Variants in ZBTB2 observed in about 807,000 individuals in gnomAD.
ZBTB2 encodes the protein zinc finger and BTB domain-containing protein 2.
Under a neutral mutation model 39.5 loss-of-function variants are expected in ZBTB2, and 2 were observed. The ratio of observed to expected loss-of-function variants is 0.05; its 90% CI spans 0.02 to 0.16. The LOEUF (loss-of-function observed/expected upper bound fraction) is 0.16. ZBTB2 is among the 10% of genes least tolerant of loss of function. The probability of loss-of-function intolerance (pLI) is 1.00; values close to 1 mark genes in which losing one functional copy is unlikely to be tolerated. For missense variants in ZBTB2, 391 were observed against 653.0 expected (o/e 0.60, Z 4.37); for synonymous variants, 251 against 256.6 (o/e 0.98, Z 0.21).
chr6:151,375,510 T>C (rs1042598416), intron 1 of ZBTB2, among the ~76,000 whole-genome samples: 3 of 152,138 alleles, frequency 2.0e-5, no homozygotes, highest in Non-Finnish European at 4.4e-5. Flanking sequence ...ATAGACAAAA[T>C]TATTCTAAAA....
intron 1 of ZBTB2, among the ~76,000 whole-genome samples, chr6:151,377,409 C>G (rs976421080): frequency 6.7e-6 from 1 of 150,252 alleles, no homozygotes; most frequent in Admixed American, 6.6e-5. Context: ...GCTCTTGTTG[C>G]CCAGGCTGGA....
intron 1 of ZBTB2, among the ~76,000 whole-genome samples, chr6:151,390,278 C>A (rs1331422760): frequency 1.3e-5 from 2 of 149,260 alleles, no homozygotes; most frequent in African/African-American, 4.9e-5. Context: ...CTCGTCCCAC[C>A]CGCCCCGGGG....
intron 2 of ZBTB2, among the ~76,000 whole-genome samples, chr6:151,372,052 A>G (rs879767862): frequency 6.6e-6 from 1 of 152,218 alleles, no homozygotes; most frequent in Admixed American, 6.5e-5. Flanking sequence ...AGTCAAGGCC[A>G]GAGTTATAAA....
intron 1 of ZBTB2, among the ~76,000 whole-genome samples, chr6:151,390,570 G>C (rs1050239819): frequency 1.3e-5 from 2 of 150,536 alleles, no homozygotes; most frequent in South Asian, 4.2e-4. Flanking sequence ...GGGAGAGAGG[G>C]AGAGGGATGA....
In ZBTB2 at chr6:151,389,802, C is replaced by T. The variant is rs371586736; in HGVS notation, c.-13+1618G>A. On this transcript the variant is annotated intron_variant, in intron 1 of 2. Transcript: ENST00000325144. The stretch of plus-strand genomic sequence containing the variant: ...CCTGCAGTAAAAGGCGTAGCTGCAG[C>T]TTCTCCCGGCCCAGGCACTCGCCTG... 1.6e-4 allele frequency among the ~76,000 whole-genome samples: 25 copies of T among 152,278 alleles called. No homozygotes were observed. In the East Asian group the frequency reaches 4.6e-3, roughly 28 times the overall value.
At position 151,390,890 on chromosome 6, in the gene ZBTB2, C is replaced by T. The variant is rs574798250; in HGVS notation, c.-13+530G>A. 5.9e-4 allele frequency among the ~76,000 whole-genome samples: 89 copies of T among 151,930 alleles called. 2 individuals carry two copies. The South Asian group carries it at 0.018, about 30-fold the overall frequency. ...GGAAGGATTACGCACCTGACGGGCC[C>T]GCCTCTGAGGGCTCCAGCGCGGGAC... On this transcript the variant is annotated intron_variant, in intron 1 of 2. Coordinates refer to ENST00000325144, the MANE Select transcript of ZBTB2 (RefSeq NM_020861.3).
At chr6:151,372,524 AAGAAC>A (rs1778808142) in intron 2 of ZBTB2, among the ~76,000 whole-genome samples, 1 of 152,180 alleles carries the variant, frequency 6.6e-6, no homozygotes, top group African/African-American at 2.4e-5. Flanking sequence ...AACAGATAAA[AAGAAC>A]AGAATAAAAA....
intron 1 of ZBTB2, among the ~76,000 whole-genome samples, chr6:151,390,829 A>AGCG (rs1779280938): frequency 7.3e-6 from 1 of 137,854 alleles, no homozygotes; most frequent in Non-Finnish European, 1.6e-5. Flanking sequence ...CCGAAGCAGC[A>AGCG]GCGGCGGCAG....
chr6:151,369,770 C>G (rs1582914747), intron 2 of ZBTB2, among the ~76,000 whole-genome samples: 1 of 152,056 alleles, frequency 6.6e-6, no homozygotes, highest in East Asian at 1.9e-4. Context: ...GTCAGGTGTT[C>G]AAGACCAGCC....
chr6:151,390,524 A>C (rs1582927712), intron 1 of ZBTB2, among the ~76,000 whole-genome samples: 2 of 148,686 alleles, frequency 1.3e-5, no homozygotes, highest in African/African-American at 2.5e-5. Context: ...GGCCGGCGCA[A>C]CAGCCCCGGC....
chr6:151,383,184 T>G (rs556810844), intron 1 of ZBTB2, among the ~76,000 whole-genome samples: 52 of 152,204 alleles, frequency 3.4e-4, no homozygotes, highest in African/African-American at 1.2e-3. Context: ...CCTCCCAAAG[T>G]GCTGGGATTA....
intron 1 of ZBTB2, among the ~76,000 whole-genome samples, chr6:151,389,342 T>C (rs1458051933): frequency 1.3e-5 from 2 of 152,180 alleles, no homozygotes; most frequent in Non-Finnish European, 2.9e-5. Context: ...TCATTCAAAA[T>C]GCAGTGGAAT....
At position 151,375,793 on chromosome 6, in the gene ZBTB2, T is replaced by G. The variant is rs532154078; in HGVS notation, c.-12-2144A>C. Among the ~76,000 whole-genome samples the G allele has an allele frequency of 7.2e-4, 110 of 152,230 alleles. 1 individual carries two copies. In the Middle Eastern group the frequency reaches 0.014, roughly 19 times the overall value. On this transcript the variant is annotated intron_variant, in intron 1 of 2. Coordinates refer to ENST00000325144, the MANE Select transcript of ZBTB2 (RefSeq NM_020861.3). ...CATGTTGGCTATGCTGGCCTCGAAC[T>G]CCTGACCTCAGATGATCCACCCGCC... is the stretch of plus-strand genomic sequence containing the variant.
chr6:151,387,863 A>C (rs1294546017), intron 1 of ZBTB2, among the ~76,000 whole-genome samples: 1 of 151,798 alleles, frequency 6.6e-6, no homozygotes, highest in East Asian at 1.9e-4. Context: ...TGGGCTGCCA[A>C]CTCCTTGTAA....
chr6:151,368,232 C>T (rs991835147), intron 2 of ZBTB2, among the ~76,000 whole-genome samples: 2 of 152,010 alleles, frequency 1.3e-5, no homozygotes, highest in African/African-American at 4.8e-5. Context: ...CTGCAAGCTC[C>T]GCCTCCCGGG....
At position 151,364,540 on chromosome 6, in the gene ZBTB2, T is replaced by C. The variant is rs1423889362; in HGVS notation, c.*981A>G. On this transcript the variant is annotated 3_prime_UTR_variant, in exon 3 of 3. Transcript: ENST00000325144. ...GCCAGTAAACTATCAGCATTGACTTTCAGTCATTGAAGTTACTACATCTTC... is the reference window on the plus strand; with the variant it reads ...GCCAGTAAACTATCAGCATTGACTTCCAGTCATTGAAGTTACTACATCTTC... 1 of 152,266 alleles carries C rather than the reference T, an allele frequency of 6.6e-6. No individual in the cohort carries two copies. The highest frequency in any genetic ancestry group is 1.9e-4 in the East Asian group (1 of 5,206). 9.4% of individuals were successfully genotyped at this position (152,266 alleles called of 1,614,324 possible). A position where few individuals can be genotyped will look rare whatever the true frequency, so the allele number is the denominator to read the frequency against.
chr6:151,390,820 C>T (rs1309719249), intron 1 of ZBTB2, among the ~76,000 whole-genome samples: 7 of 150,226 alleles, frequency 4.7e-5, no homozygotes, highest in African/African-American at 1.7e-4. Flanking sequence ...GCCTTGCCGC[C>T]GAAGCAGCAG....
At chr6:151,390,084 G>A (rs1023134729) in intron 1 of ZBTB2, among the ~76,000 whole-genome samples, 1 of 152,070 alleles carries the variant, frequency 6.6e-6, no homozygotes, top group Admixed American at 6.5e-5. Context: ...CAGCGCGCTC[G>A]GGGCCAAACC....
chr6:151,379,748 C>T (rs760266235), intron 1 of ZBTB2, among the ~76,000 whole-genome samples: 8 of 151,212 alleles, frequency 5.3e-5, no homozygotes, highest in Non-Finnish European at 1.2e-4. Context: ...ACTTTCTTTG[C>T]ATTTGTTTAT....
Sources: gnomAD v4.1 joint callset for allele counts (sites outside exome capture counted in the v4.1 genomes callset) on GRCh38, gnomAD v4.1.1 for gene constraint, MANE v1.5 for transcripts, NCBI Gene and HGNC (gene_info 2026-07-23, HGNC 2026-07-21) for gene names.